The following WDR70 variants were observed in gnomAD, a reference collection of about 807,000 sequenced individuals.
WDR70 encodes the protein WD repeat domain 70, also known as WD repeat-containing protein 70.
Under a neutral mutation model 88.6 loss-of-function variants are expected in WDR70, and 53 were observed. The observed-to-expected ratio is 0.60, with a 90% confidence interval of 0.48 to 0.75. The LOEUF is 0.75. WDR70 is among the 30% of genes least tolerant of loss of function. WDR70 has a pLI of 0.00. For missense variants in WDR70, 610 were observed against 823.2 expected (o/e 0.74, Z 3.17); for synonymous variants, 280 against 270.0 (o/e 1.04, Z -0.36).
intron 17 of WDR70, among the ~76,000 whole-genome samples, chr5:37,734,225 T>C (rs1748235627): frequency 6.6e-6 from 1 of 152,130 alleles, no homozygotes; most frequent in Non-Finnish European, 1.5e-5. Context: ...CACATCCTTT[T>C]TTCAATTTGA....
intron 9 of WDR70, among the ~76,000 whole-genome samples, chr5:37,597,597 C>G (rs1225560315): frequency 2.6e-5 from 4 of 152,174 alleles, no homozygotes; most frequent in Non-Finnish European, 4.4e-5. Flanking sequence ...CAAGTTAACA[C>G]AAGCGTGGGT....
chr5:37,573,177 A>AT (rs1045225256), intron 9 of WDR70, among the ~76,000 whole-genome samples: 1 of 151,810 alleles, frequency 6.6e-6, no homozygotes, highest in Non-Finnish European at 1.5e-5. Flanking sequence ...TTCTCCTGTA[A>AT]TTTTTTTCTT....
At chr5:37,629,285 G>A (rs187839523) in intron 10 of WDR70, among the ~76,000 whole-genome samples, 1 of 152,192 alleles carries the variant, frequency 6.6e-6, no homozygotes, top group African/African-American at 2.4e-5. Flanking sequence ...TCTGTTTGGG[G>A]TTCTTTGAGC....
intron 7 of WDR70, among the ~76,000 whole-genome samples, chr5:37,454,841 C>T (rs1738783464): frequency 6.6e-6 from 1 of 152,134 alleles, no homozygotes; most frequent in Admixed American, 6.5e-5. Context: ...TGGATTCTGA[C>T]TCATAAAGAT....
intron 13 of WDR70, 80 bp downstream of exon 13, chr5:37,703,167 T>C: frequency 6.5e-7 from 1 of 1,543,198 alleles, no homozygotes; most frequent in South Asian, 1.2e-5. Flanking sequence ...GTTTGTTAAG[T>C]AGAATATAAG....
chr5:37,394,092 G>A (rs2111894381), intron 4 of WDR70, among the ~76,000 whole-genome samples: 1 of 152,114 alleles, frequency 6.6e-6, no homozygotes, highest in African/African-American at 2.4e-5. Flanking sequence ...GGATCACGAG[G>A]TCAGGAGTTC....
At chr5:37,713,768 C>T (rs544034221) in intron 13 of WDR70, among the ~76,000 whole-genome samples, 37 of 152,290 alleles carry the variant, frequency 2.4e-4, no homozygotes, top group African/African-American at 8.9e-4. Flanking sequence ...GACTAGAGCT[C>T]CATTGTCTAA....
chr5:37,598,293 A>G (rs1021701901), intron 9 of WDR70, among the ~76,000 whole-genome samples: 3 of 152,240 alleles, frequency 2.0e-5, no homozygotes, highest in African/African-American at 7.2e-5. Context: ...TTATGATATG[A>G]AAGACCACAC....
chr5:37,696,980 A>G (rs1006067900), intron 10 of WDR70, among the ~76,000 whole-genome samples: 5 of 152,212 alleles, frequency 3.3e-5, no homozygotes, highest in African/African-American at 1.2e-4. Flanking sequence ...CAGCTCTACT[A>G]CTTACTAACT....
At position 37,654,820 on chromosome 5, in the gene WDR70, T is replaced by C. The variant is rs1745504030; in HGVS notation, c.1093-42835T>C. On this transcript the variant is annotated intron_variant, in intron 10 of 17. Transcript: ENST00000265107. ...GCTTGGTAAATATTTCTCCATCCCT[T>C]TATCTTGAGCCTGTGTGTGTCTTTG... 2.0e-5 allele frequency among the ~76,000 whole-genome samples: 3 copies of C among 152,220 alleles called. No individual in the cohort carries two copies. In the South Asian group the frequency reaches 6.2e-4, roughly 32 times the overall value.
At chr5:37,699,923 A>G (rs1472249230) in intron 11 of WDR70, among the ~76,000 whole-genome samples, 3 of 151,550 alleles carry the variant, frequency 2.0e-5, no homozygotes, top group Non-Finnish European at 4.4e-5. Context: ...CTCCAGCCTG[A>G]GTGACAGAGC....
At chr5:37,657,650 A>C (rs1388205639) in intron 10 of WDR70, among the ~76,000 whole-genome samples, 3 of 152,116 alleles carry the variant, frequency 2.0e-5, no homozygotes, top group Non-Finnish European at 1.5e-5. Flanking sequence ...AGCCGATGTC[A>C]CCCTGGGCAT....
At chr5:37,711,546 T>G (rs893955768) in intron 13 of WDR70, among the ~76,000 whole-genome samples, 1 of 152,226 alleles carries the variant, frequency 6.6e-6, no homozygotes, top group Non-Finnish European at 1.5e-5. Context: ...CTCTGTTTCC[T>G]TGAAGATTAT....
At chr5:37,499,847 G>T (rs1308971995) in intron 8 of WDR70, among the ~76,000 whole-genome samples, 3 of 151,624 alleles carry the variant, frequency 2.0e-5, no homozygotes, top group Non-Finnish European at 4.4e-5. Context: ...GTCAGTCTGT[G>T]GCTTTTCTGT....
intron 17 of WDR70, among the ~76,000 whole-genome samples, chr5:37,733,069 A>C (rs1187736797): frequency 6.6e-6 from 1 of 152,120 alleles, no homozygotes; most frequent in Non-Finnish European, 1.5e-5. Flanking sequence ...ATTCTGTCAC[A>C]GTTCTGGAGG....
intron 10 of WDR70, among the ~76,000 whole-genome samples, chr5:37,674,379 C>T (rs114852546): frequency 0.034 from 5,200 of 152,056 alleles, 116 homozygotes; most frequent in Middle Eastern, 0.11. Context: ...GCTATTCCCC[C>T]GCCTTCCCCA....
chr5:37,505,515 A>C (rs1454160459), intron 8 of WDR70, among the ~76,000 whole-genome samples: 1 of 152,174 alleles, frequency 6.6e-6, no homozygotes, highest in Non-Finnish European at 1.5e-5. Flanking sequence ...AGAATATGGA[A>C]AAAAAGTCAA....
At chr5:37,663,081 G>C (rs1231189743) in intron 10 of WDR70, among the ~76,000 whole-genome samples, 2 of 152,070 alleles carry the variant, frequency 1.3e-5, no homozygotes, top group African/African-American at 4.8e-5. Context: ...TGGAACTCCT[G>C]CTTTTTTGAA....
intron 9 of WDR70, among the ~76,000 whole-genome samples, chr5:37,565,387 TCTC>T (rs1742707760): frequency 6.6e-6 from 1 of 152,082 alleles, no homozygotes; most frequent in South Asian, 2.1e-4. Flanking sequence ...CCTTTTTTCT[TCTC>T]TTCTTTTTTG....
Sources: gnomAD v4.1 joint callset for allele counts (sites outside exome capture counted in the v4.1 genomes callset) on GRCh38, gnomAD v4.1.1 for gene constraint, MANE v1.5 for transcripts, NCBI Gene and HGNC (gene_info 2026-07-23, HGNC 2026-07-21) for gene names.